TANC1: variants seen among roughly 807,000 people sequenced by gnomAD.
TANC1 encodes tetratricopeptide repeat, ankyrin repeat and coiled-coil containing 1, also known as protein TANC1.
TANC1 carries 77 observed loss-of-function variants against 149.7 expected under a neutral mutation model. That is an observed-to-expected ratio of 0.51 (90% confidence interval 0.43 to 0.62). TANC1 has a LOEUF of 0.62. TANC1 is among the 20% of genes least tolerant of loss of function. The probability of loss-of-function intolerance (pLI) is 0.00; values close to 1 mark genes in which losing one functional copy is unlikely to be tolerated. For missense variants in TANC1, 1,985 were observed against 2,321.8 expected (o/e 0.85, Z 2.98); for synonymous variants, 854 against 925.0 (o/e 0.92, Z 1.39).
At chr2:159,020,872 T>C (rs1038101425) in intron 2 of TANC1, among the ~76,000 whole-genome samples, 4 of 148,480 alleles carry the variant, frequency 2.7e-5, no homozygotes, top group South Asian at 4.2e-4. Flanking sequence ...GTCAGTCTCT[T>C]TTTTTTTTTT....
At chr2:158,971,327 C>T (rs2032848920) in intron 1 of TANC1, among the ~76,000 whole-genome samples, 1 of 152,110 alleles carries the variant, frequency 6.6e-6, no homozygotes, top group Non-Finnish European at 1.5e-5. Flanking sequence ...ACATTTCTAA[C>T]CTAATTGTAA....
chr2:159,197,366 C>G (rs945889625), intron 18 of TANC1, among the ~76,000 whole-genome samples: 6 of 152,292 alleles, frequency 3.9e-5, no homozygotes, highest in African/African-American at 1.4e-4. Context: ...ACCTGTGTGT[C>G]TTGGCTTTCT....
intron 4 of TANC1, among the ~76,000 whole-genome samples, chr2:159,098,858 T>C (rs2046394894): frequency 6.6e-6 from 1 of 152,064 alleles, no homozygotes; most frequent in Non-Finnish European, 1.5e-5. Flanking sequence ...TTGTGGAGTG[T>C]TTACAAAAGG....
At chr2:159,112,679 A>T (rs912154051) in intron 4 of TANC1, among the ~76,000 whole-genome samples, 1 of 151,182 alleles carries the variant, frequency 6.6e-6, no homozygotes, top group Non-Finnish European at 1.5e-5. Flanking sequence ...GGGTGTAAGC[A>T]GTCCTCCCAC....
At chr2:159,037,783 T>C (rs1430237229) in intron 2 of TANC1, among the ~76,000 whole-genome samples, 1 of 152,216 alleles carries the variant, frequency 6.6e-6, no homozygotes, top group African/African-American at 2.4e-5. Context: ...TGAAGTCGGG[T>C]AGCATGATTC....
At chr2:158,980,679 G>A (rs768629651) in intron 1 of TANC1, among the ~76,000 whole-genome samples, 8 of 151,630 alleles carry the variant, frequency 5.3e-5, no homozygotes, top group Non-Finnish European at 8.8e-5. Context: ...GGAGGCTGAG[G>A]CAGGAGAATG....
At chr2:159,091,259 T>G (rs1368501338) in intron 3 of TANC1, among the ~76,000 whole-genome samples, 2 of 152,206 alleles carry the variant, frequency 1.3e-5, no homozygotes, top group Non-Finnish European at 2.9e-5. Context: ...AGATACTTGA[T>G]CCTTTCTGTG....
chr2:159,093,922 A>G (rs1447555804), intron 3 of TANC1, among the ~76,000 whole-genome samples: 1 of 152,368 alleles, frequency 6.6e-6, no homozygotes, highest in Non-Finnish European at 1.5e-5. Flanking sequence ...GTTTATGGGC[A>G]GAATTTATAA....
intron 1 of TANC1, among the ~76,000 whole-genome samples, chr2:158,977,852 C>T (rs1282089121): frequency 2.6e-5 from 4 of 152,114 alleles, no homozygotes; most frequent in Admixed American, 1.3e-4. Context: ...GCTAATACCA[C>T]TGAACTCCTG....
At chr2:159,041,028 C>T (rs755297916) in intron 2 of TANC1, among the ~76,000 whole-genome samples, 1 of 152,224 alleles carries the variant, frequency 6.6e-6, no homozygotes, top group Non-Finnish European at 1.5e-5. Context: ...CCCTCAGCTG[C>T]AGGTCTGTTG....
chr2:159,039,099 A>C (rs776580337), intron 2 of TANC1, among the ~76,000 whole-genome samples: 7 of 152,102 alleles, frequency 4.6e-5, no homozygotes, highest in Non-Finnish European at 1.0e-4. Context: ...GCGTCCAGGA[A>C]CTTACCCATT....
Position 159,163,540 on chromosome 2 carries a change from G to C in TANC1, c.940G>C (p.Val314Leu). The change falls in exon 8 of 27, where the codon GTT becomes CTT. Residue 314 changes from valine to leucine, a missense_variant. Physicochemically the swap from Val to Leu is conservative, Grantham distance 32. Transcript: ENST00000263635. ...SSLIMPRPNS[V>L]AATSSTKLED... The stretch of plus-strand genomic sequence containing the variant: ...ACTAATAATGCCACGGCCCAACTCA[G>C]TTGCAGGTAAGGCCACACCTTTCCC... The C allele has an allele frequency of 1.1e-5, 17 of 1,611,636 alleles. No individual in the cohort carries two copies. Among genetic ancestry groups the C allele is most frequent in the Non-Finnish European group, 1.3e-5 (15 of 1,179,316 alleles).
At chr2:159,215,994 G>A (rs1283058921) in intron 19 of TANC1, among the ~76,000 whole-genome samples, 2 of 152,190 alleles carry the variant, frequency 1.3e-5, no homozygotes, top group Non-Finnish European at 1.5e-5. Flanking sequence ...CCTTGAGAGT[G>A]CCTGCAGGGT....
At chr2:159,191,497 G>T (rs966802643) in intron 16 of TANC1, among the ~76,000 whole-genome samples, 1 of 152,118 alleles carries the variant, frequency 6.6e-6, no homozygotes, top group Non-Finnish European at 1.5e-5. Context: ...AGACCATGAG[G>T]CCGGCCCTGC....
At chr2:159,009,358 A>G (rs542167462) in intron 2 of TANC1, among the ~76,000 whole-genome samples, 19 of 152,310 alleles carry the variant, frequency 1.2e-4, no homozygotes, top group African/African-American at 4.1e-4. Flanking sequence ...TATGGAATCA[A>G]CTTAAGTGTC....
At chr2:159,174,343 C>T (rs771513090) in intron 11 of TANC1, among the ~76,000 whole-genome samples, 4 of 152,100 alleles carry the variant, frequency 2.6e-5, no homozygotes, top group Non-Finnish European at 5.9e-5. Context: ...TCTCTCCACA[C>T]GATGGGCAGA....
At chr2:159,058,531 A>T (rs75392164) in intron 2 of TANC1, among the ~76,000 whole-genome samples, 6 of 152,100 alleles carry the variant, frequency 3.9e-5, no homozygotes, top group Non-Finnish European at 7.4e-5. Context: ...GGAGTTCAAC[A>T]TTTTTCACCA....
intron 1 of TANC1, among the ~76,000 whole-genome samples, chr2:158,979,511 G>GA (rs377095829): frequency 6.9e-4 from 99 of 142,778 alleles, no homozygotes; most frequent in East Asian, 2.6e-3. Flanking sequence ...AAAGAAAAAA[G>GA]AAAAAAAAAA....
At chr2:159,028,478 C>T (rs1410169963) in intron 2 of TANC1, among the ~76,000 whole-genome samples, 1 of 152,112 alleles carries the variant, frequency 6.6e-6, no homozygotes, top group Non-Finnish European at 1.5e-5. Flanking sequence ...GTAGAAAGGA[C>T]AAGAACTTTG....
Sources: gnomAD v4.1 joint callset for allele counts (sites outside exome capture counted in the v4.1 genomes callset) on GRCh38, gnomAD v4.1.1 for gene constraint, MANE v1.5 for transcripts, NCBI Gene and HGNC (gene_info 2026-07-23, HGNC 2026-07-21) for gene names.